The following DDAH1 variants were observed in gnomAD, a reference collection of about 807,000 sequenced individuals.
DDAH1 encodes dimethylarginine dimethylaminohydrolase 1.
In DDAH1, 19 loss-of-function variants were observed where a neutral mutation model predicts 28.8. That is an observed-to-expected ratio of 0.66 (90% CI 0.46 to 0.97). The LOEUF (loss-of-function observed/expected upper bound fraction) is 0.97, where lower values mean the gene tolerates loss of function less well. DDAH1 is among the 50% of genes least tolerant of loss of function. DDAH1 has a pLI of 0.00. For missense variants in DDAH1, 326 were observed against 375.9 expected, an observed-to-expected ratio of 0.87 and a Z score of 1.10; for synonymous variants, 153 against 154.4, an observed-to-expected ratio of 0.99 and a Z score of 0.07.
intron 1 of DDAH1, among the ~76,000 whole-genome samples, chr1:85,547,761 T>C (rs537822298): frequency 8.5e-5 from 13 of 152,302 alleles, no homozygotes; most frequent in African/African-American, 3.1e-4. Flanking sequence ...AAAATATTCC[T>C]GTGAGGAAGA....
chr1:85,504,961 C>CTTTTTTTT (rs61209793), intron 1 of DDAH1, among the ~76,000 whole-genome samples: 4 of 60,778 alleles, frequency 6.6e-5, no homozygotes, highest in African/African-American at 2.9e-4. Flanking sequence ...CTCAATGATT[C>CTTTTTTTT]TTTTTTTTTT....
At chr1:85,380,400 A>G (rs754443538) in intron 1 of DDAH1, 1 of 152,192 alleles carries the variant, frequency 6.6e-6, no homozygotes, top group Non-Finnish European at 1.5e-5. Flanking sequence ...GCATTTACCC[A>G]GCATTTTGTG....
intron 1 of DDAH1, among the ~76,000 whole-genome samples, chr1:85,396,629 A>G (rs1651826402): frequency 6.6e-6 from 1 of 152,148 alleles, no homozygotes; most frequent in South Asian, 2.1e-4. Flanking sequence ...TCCAAAAGAG[A>G]GATATTAAAC....
intron 1 of DDAH1, among the ~76,000 whole-genome samples, chr1:85,572,197 C>T (rs1345163765): frequency 2.0e-5 from 3 of 151,990 alleles, no homozygotes; most frequent in Non-Finnish European, 4.4e-5. Context: ...AGGCAAGGGC[C>T]CTAAGGAGAG....
intron 2 of DDAH1, chr1:85,488,295 C>T (rs1199085141): frequency 1.3e-5 from 2 of 152,192 alleles, no homozygotes; most frequent in African/African-American, 2.4e-5. Flanking sequence ...TCTTACAGTT[C>T]TGGAGGCTGA....
intron 1 of DDAH1, among the ~76,000 whole-genome samples, chr1:85,560,866 G>T (rs988858575): frequency 2.0e-5 from 3 of 151,664 alleles, no homozygotes; most frequent in Non-Finnish European, 4.4e-5. Context: ...AAACATTAAG[G>T]TTTTTTTTCC....
intron 1 of DDAH1, among the ~76,000 whole-genome samples, chr1:85,532,681 A>G (rs539967160): frequency 6.6e-4 from 101 of 152,126 alleles, no homozygotes; most frequent in East Asian, 1.7e-3. Context: ...GGAGCAGCAT[A>G]TGAAGGGGAG....
chr1:85,440,904 G>C (rs904522572), intron 1 of DDAH1, among the ~76,000 whole-genome samples: 1 of 150,844 alleles, frequency 6.6e-6, no homozygotes, highest in Non-Finnish European at 1.5e-5. Context: ...ACAAAAAGCA[G>C]GATTGGAAAA....
intron 5 of DDAH1, among the ~76,000 whole-genome samples, chr1:85,322,979 C>A (rs1429499904): frequency 1.3e-5 from 2 of 152,050 alleles, no homozygotes; most frequent in African/African-American, 2.4e-5. Flanking sequence ...TTTTTAGCAA[C>A]CCTGATGTGC....
At chr1:85,488,829 C>G (rs772806046) in intron 2 of DDAH1, among the ~76,000 whole-genome samples, 5 of 152,076 alleles carry the variant, frequency 3.3e-5, no homozygotes, top group East Asian at 1.9e-4. Flanking sequence ...ATTCTGATGA[C>G]TGGTGAAAAA....
chr1:85,539,922 A>C (rs1375109030), intron 1 of DDAH1, among the ~76,000 whole-genome samples: 1 of 151,506 alleles, frequency 6.6e-6, no homozygotes, highest in African/African-American at 2.4e-5. Context: ...AGTGCTTTAC[A>C]TATATAATTT....
At chr1:85,465,825 T>C (rs1330649639), upstream of DDAH1, among the ~76,000 whole-genome samples, 1 of 152,124 alleles carries the variant, frequency 6.6e-6, no homozygotes, top group Non-Finnish European at 1.5e-5. Context: ...AACTAGTGAT[T>C]TGGTTTCCAA....
At chr1:85,361,383 G>GA (rs1048931081) in intron 1 of DDAH1, among the ~76,000 whole-genome samples, 18 of 151,880 alleles carry the variant, frequency 1.2e-4, no homozygotes, top group South Asian at 8.3e-4. Context: ...CTTCCAAGAG[G>GA]AAAAAAAATG....
chr1:85,576,621 T>TACACACAC (rs1659613413), intron 1 of DDAH1: 1 of 152,276 alleles, frequency 6.6e-6, no homozygotes, highest in Middle Eastern at 3.4e-3. Context: ...CACACACACA[T>TACACACAC]ACACACACAG....
At chr1:85,431,885 T>C (rs146058503) in intron 1 of DDAH1, among the ~76,000 whole-genome samples, 352 of 152,326 alleles carry the variant, frequency 2.3e-3, no homozygotes, top group Non-Finnish European at 4.0e-3. Flanking sequence ...TTGAAATTAA[T>C]ACAAGAGGCA....
At chr1:85,461,993 T>C (rs1012549490) in intron 1 of DDAH1, among the ~76,000 whole-genome samples, 1 of 152,182 alleles carries the variant, frequency 6.6e-6, no homozygotes, top group African/African-American at 2.4e-5. Context: ...CAGGCCTCAG[T>C]TTCACCAACT....
At chr1:85,335,060 A>G (rs879482249) in intron 4 of DDAH1, among the ~76,000 whole-genome samples, 2 of 152,322 alleles carry the variant, frequency 1.3e-5, no homozygotes, top group East Asian at 1.9e-4. Context: ...TGGAAGTGAA[A>G]GAACAATACC....
At chr1:85,447,752 C>T (rs986512765) in intron 1 of DDAH1, 3 of 152,164 alleles carry the variant, frequency 2.0e-5, no homozygotes, top group Admixed American at 6.5e-5. Flanking sequence ...AAAATGTTAA[C>T]CAAAAGCTAC....
At chr1:85,358,017 C>T (rs552861181) in intron 2 of DDAH1, among the ~76,000 whole-genome samples, 15 of 152,294 alleles carry the variant, frequency 9.8e-5, no homozygotes, top group Middle Eastern at 3.4e-3. Flanking sequence ...TTTAAATCCA[C>T]CTTGCCATCT....
Sources: gnomAD v4.1 joint callset for allele counts (sites outside exome capture counted in the v4.1 genomes callset) on GRCh38, gnomAD v4.1.1 for gene constraint, MANE v1.5 for transcripts, NCBI Gene and HGNC (gene_info 2026-07-23, HGNC 2026-07-21) for gene names.